PSPH: variants seen among roughly 807,000 people sequenced by gnomAD.
The protein encoded by PSPH is L-3-phosphoserine phosphatase.
A neutral mutation model predicts 23.4 loss-of-function variants in PSPH; 16 were observed. The ratio of observed to expected loss-of-function variants is 0.68; its 90% confidence interval spans 0.46 to 1.04. The LOEUF (loss-of-function observed/expected upper bound fraction) is 1.04, where lower values mean the gene tolerates loss of function less well. PSPH is among the 50% of genes least tolerant of loss of function. The pLI is 0.00. For missense variants in PSPH, 223 were observed against 273.7 expected, an observed-to-expected ratio of 0.81 and a Z score of 1.31; for synonymous variants, 68 against 99.7, an observed-to-expected ratio of 0.68 and a Z score of 1.89.
In PSPH at chr7:56,045,419, C is replaced by A. The variant is rs542802262; in HGVS notation, c.-292+5719G>T. 3.4e-5 allele frequency among the ~76,000 whole-genome samples: 5 copies of A among 148,442 alleles called. No homozygotes were observed. In the East Asian group the frequency reaches 6.3e-4, roughly 19 times the overall value. ...TCGAGGTTGCAGTAAGCAGTGATTG[C>A]GCCACTGCACTCCAGCCTGGGCACC... is the stretch of plus-strand genomic sequence containing the variant. On this transcript the variant is annotated intron_variant, in intron 1 of 7. Coordinates refer to ENST00000275605, the MANE Select transcript of PSPH (RefSeq NM_004577.4).
intron 3 of PSPH, among the ~76,000 whole-genome samples, chr7:56,023,588 T>C (rs191582262): frequency 6.6e-6 from 1 of 152,132 alleles, no homozygotes; most frequent in Admixed American, 6.5e-5. Context: ...ATCTTTGGAC[T>C]AGAATTAGGA....
chr7:56,012,733 C>G (rs62457261), intron 7 of PSPH, among the ~76,000 whole-genome samples: 76,053 of 147,744 alleles, frequency 0.51, 20,285 homozygotes, highest in East Asian at 0.7. Flanking sequence ...ACACTAGCCT[C>G]GCCAACATGG....
intron 1 of PSPH, among the ~76,000 whole-genome samples, chr7:56,046,056 G>A (rs1793195158): frequency 6.6e-6 from 1 of 152,020 alleles, no homozygotes; most frequent in African/African-American, 2.4e-5. Flanking sequence ...CCTCAAAGAT[G>A]GTGGGTTTGG....
intron 3 of PSPH, among the ~76,000 whole-genome samples, chr7:56,028,369 C>T (rs1196153253): frequency 6.6e-6 from 1 of 152,074 alleles, no homozygotes; most frequent in Non-Finnish European, 1.5e-5. Flanking sequence ...AGACCACAGG[C>T]ACGCACCACC....
At chr7:56,027,860 C>T (rs1790430025) in intron 3 of PSPH, among the ~76,000 whole-genome samples, 1 of 137,396 alleles carries the variant, frequency 7.3e-6, no homozygotes, top group East Asian at 2.2e-4. Flanking sequence ...GAGATCAGTT[C>T]TCGAGAACAC....
intron 1 of PSPH, among the ~76,000 whole-genome samples, chr7:56,037,510 C>T (rs1791874299): frequency 6.6e-6 from 1 of 151,642 alleles, no homozygotes; most frequent in Admixed American, 6.6e-5. Context: ...CTTCGAACTC[C>T]TGGGCTCAAG....
intron 1 of PSPH, among the ~76,000 whole-genome samples, chr7:56,040,981 C>A (rs1004051480): frequency 6.6e-6 from 1 of 152,022 alleles, no homozygotes. Context: ...ATCTTATGGG[C>A]AGAGTTAAGG....
intron 1 of PSPH, among the ~76,000 whole-genome samples, chr7:56,043,853 A>G (rs935466540): frequency 7.2e-5 from 11 of 152,178 alleles, no homozygotes; most frequent in Non-Finnish European, 1.3e-4. Context: ...TAAAGTTATG[A>G]GCCAGCGATT....
At chr7:56,042,961 T>G (rs1189340072) in intron 1 of PSPH, among the ~76,000 whole-genome samples, 1 of 151,994 alleles carries the variant, frequency 6.6e-6, no homozygotes, top group East Asian at 1.9e-4. Context: ...AGGAATTAAA[T>G]GAAATTAGAG....
chr7:56,025,116 C>T (rs118096135), intron 3 of PSPH, among the ~76,000 whole-genome samples: 37 of 151,926 alleles, frequency 2.4e-4, no homozygotes, highest in East Asian at 1.8e-3. Context: ...AGCCACAGTA[C>T]CCAGCCATTA....
chr7:56,040,301 A>C (rs73140801), intron 1 of PSPH, among the ~76,000 whole-genome samples: 4,605 of 152,182 alleles, frequency 0.03, 95 homozygotes, highest in Non-Finnish European at 0.047. Flanking sequence ...AGAAATCTCT[A>C]TGTGTGTCTA....
intron 3 of PSPH, among the ~76,000 whole-genome samples, chr7:56,021,811 G>A (rs968218134): frequency 2.6e-5 from 4 of 151,652 alleles, no homozygotes; most frequent in East Asian, 1.9e-4. Flanking sequence ...TTAGCCGGGC[G>A]TGGTGGCAGG....
At chr7:56,031,493 A>G (rs1229335633) in intron 3 of PSPH, among the ~76,000 whole-genome samples, 4 of 152,174 alleles carry the variant, frequency 2.6e-5, no homozygotes, top group Non-Finnish European at 5.9e-5. Flanking sequence ...CACATAGTTG[A>G]CATCAATTTT....
chr7:56,021,982 G>A (rs1789539257), intron 3 of PSPH, among the ~76,000 whole-genome samples: 1 of 148,894 alleles, frequency 6.7e-6, no homozygotes, highest in South Asian at 2.1e-4. Flanking sequence ...GCAGAGGTGT[G>A]CATAAGGCTC....
intron 2 of PSPH, among the ~76,000 whole-genome samples, chr7:56,032,399 A>G (rs112536492): frequency 8.0e-4 from 121 of 152,164 alleles, no homozygotes; most frequent in East Asian, 3.9e-4. Context: ...GATGGCTCAC[A>G]CCTGTAATCC....
At chr7:56,048,405 T>C (rs1367798013) in intron 1 of PSPH, among the ~76,000 whole-genome samples, 1 of 151,952 alleles carries the variant, frequency 6.6e-6, no homozygotes, top group Non-Finnish European at 1.5e-5. Flanking sequence ...ACTGAAAAAT[T>C]GCAGAACTGT....
At position 56,035,001 on chromosome 7, in the gene PSPH, T is replaced by G. The variant is rs1791550172; in HGVS notation, c.-291-895A>C. On this transcript the variant is annotated intron_variant, in intron 1 of 7. Transcript: ENST00000275605. ...ATCCTTCCTCCTTGGCCTCCCAAAG[T>G]GTTGGGATTACAGATGTGAGATACC... Among the ~76,000 whole-genome samples, 8 of 152,174 alleles carry G rather than the reference T, an allele frequency of 5.3e-5. No individual in the cohort carries two copies. The South Asian group carries it at 1.7e-3, about 32-fold the overall frequency.
intron 7 of PSPH, 99 bp from the exon 8 acceptor site, chr7:56,011,968 C>T (rs1787959781): frequency 1.1e-6 from 1 of 923,904 alleles, no homozygotes; most frequent in African/African-American, 1.6e-5. Context: ...TGCAGTGACA[C>T]AATCTCCACT....
At chr7:56,032,390 A>G (rs34885337) in intron 2 of PSPH, among the ~76,000 whole-genome samples, 10,355 of 151,948 alleles carry the variant, frequency 0.068, 478 homozygotes, top group East Asian at 0.15. Context: ...GGCGGGCATG[A>G]TGGCTCACAC....
Sources: allele counts gnomAD v4.1 joint callset (sites outside exome capture counted in the v4.1 genomes callset), GRCh38; gene constraint gnomAD v4.1.1; transcripts MANE v1.5; gene names NCBI Gene and HGNC (gene_info 2026-07-23, HGNC 2026-07-21).